STPG2: variants seen among roughly 807,000 people sequenced by gnomAD.
STPG2 encodes the protein sperm-tail PG-rich repeat-containing protein 2.
Under a neutral mutation model 54.2 loss-of-function variants are expected in STPG2, and 56 were observed. The observed-to-expected ratio is 1.03, with a 90% CI of 0.83 to 1.29. The LOEUF (loss-of-function observed/expected upper bound fraction) is 1.29. STPG2 is among the 50% of genes most tolerant of loss of function. The pLI is 0.00. For missense variants in STPG2, 596 were observed against 544.9 expected (o/e 1.09, Z -0.93); for synonymous variants, 200 against 181.8 (o/e 1.10, Z -0.81).
intron 5 of STPG2, among the ~76,000 whole-genome samples, chr4:98,078,904 T>C (rs112873617): frequency 0.012 from 1,789 of 152,260 alleles, 29 homozygotes; most frequent in African/African-American, 0.041. Flanking sequence ...GTAAGTCTAT[T>C]AGATAATGGA....
At chr4:97,872,291 A>T (rs188230171) in intron 8 of STPG2, among the ~76,000 whole-genome samples, 1 of 151,402 alleles carries the variant, frequency 6.6e-6, no homozygotes, top group East Asian at 1.9e-4. Flanking sequence ...TAGCCTGTGC[A>T]GGAAAACAAA....
At chr4:97,928,305 T>C (rs922038135) in intron 8 of STPG2, among the ~76,000 whole-genome samples, 2 of 152,172 alleles carry the variant, frequency 1.3e-5, no homozygotes, top group Non-Finnish European at 2.9e-5. Flanking sequence ...ATTTAGCCTG[T>C]GTATTGTGTA....
chr4:97,811,938 C>G (rs923236052), intron 9 of STPG2, among the ~76,000 whole-genome samples: 4 of 151,960 alleles, frequency 2.6e-5, no homozygotes, highest in African/African-American at 9.7e-5. Context: ...TCAGATGTTT[C>G]ATTTGTAGTA....
At chr4:97,678,259 C>T (rs1578473525) in intron 10 of STPG2, among the ~76,000 whole-genome samples, 1 of 152,130 alleles carries the variant, frequency 6.6e-6, no homozygotes, top group East Asian at 1.9e-4. Context: ...AATGAGCACA[C>T]ATAGCTAATT....
chr4:98,129,921 G>T (rs1438420975), intron 2 of STPG2, among the ~76,000 whole-genome samples: 1 of 152,064 alleles, frequency 6.6e-6, no homozygotes, highest in African/African-American at 2.4e-5. Flanking sequence ...GCAGTGGCAT[G>T]ATCTCCGCTC....
chr4:97,737,775 G>A (rs1725063929), intron 9 of STPG2, among the ~76,000 whole-genome samples: 1 of 152,148 alleles, frequency 6.6e-6, no homozygotes. Flanking sequence ...GAACCAAGCT[G>A]GAAAACACTC....
chr4:97,607,208 C>T (rs759149796), intron 10 of STPG2, among the ~76,000 whole-genome samples: 6 of 152,004 alleles, frequency 3.9e-5, no homozygotes, highest in Non-Finnish European at 8.8e-5. Context: ...GCTGCTGCTG[C>T]TGCTGCTACA....
chr4:98,094,621 G>A (rs906120255), intron 5 of STPG2, among the ~76,000 whole-genome samples: 1 of 151,656 alleles, frequency 6.6e-6, no homozygotes, highest in Admixed American at 6.6e-5. Context: ...GACCTGAAGG[G>A]TGTGTCCCAG....
chr4:97,982,999 C>T (rs1734726296), intron 5 of STPG2, among the ~76,000 whole-genome samples: 1 of 152,138 alleles, frequency 6.6e-6, no homozygotes, highest in South Asian at 2.1e-4. Flanking sequence ...CCTTCTCCTT[C>T]AATTATTTAT....
intron 10 of STPG2, among the ~76,000 whole-genome samples, chr4:97,605,900 A>G (rs962951325): frequency 6.6e-6 from 1 of 151,860 alleles, no homozygotes; most frequent in African/African-American, 2.4e-5. Context: ...TCCACAAAAA[A>G]AATTATTTAA....
At position 98,080,415 on chromosome 4, in the gene STPG2, A is replaced by G. The variant is rs551736566; in HGVS notation, c.612+25538T>C. 6.6e-5 allele frequency among the ~76,000 whole-genome samples: 10 copies of G among 152,274 alleles called. No homozygotes were observed. The East Asian group carries it at 1.7e-3, about 26-fold the overall frequency. On this transcript the variant is annotated intron_variant, in intron 5 of 10. Transcript: ENST00000295268. ...GGCCAGTTTCACTTTCTATGTAAAG[A>G]CTTAAGATAACCTATTGTTGCTTCA...
intron 5 of STPG2, among the ~76,000 whole-genome samples, chr4:98,003,132 A>G (rs970197772): frequency 4.6e-5 from 7 of 152,092 alleles, no homozygotes; most frequent in African/African-American, 1.7e-4. Flanking sequence ...TGGCTGTCTG[A>G]TAAGTCTGGA....
intron 4 of STPG2, among the ~76,000 whole-genome samples, chr4:97,456,912 T>TAAAAAAAAAAAAAAAAAA (rs1166086887): frequency 1.0e-4 from 10 of 97,200 alleles, no homozygotes; most frequent in African/African-American, 5.7e-4. Flanking sequence ...AAAAGAAAAT[T>TAAAAAAAAAAAAAAAAAA]AAAAAAAAAA....
At chr4:97,713,379 T>C (rs956482966) in intron 9 of STPG2, among the ~76,000 whole-genome samples, 2 of 152,170 alleles carry the variant, frequency 1.3e-5, no homozygotes, top group African/African-American at 4.8e-5. Context: ...GCCCCCAAAT[T>C]CTTACAGAAG....
At chr4:97,805,451 TC>T (rs964877212) in intron 9 of STPG2, among the ~76,000 whole-genome samples, 7 of 152,268 alleles carry the variant, frequency 4.6e-5, no homozygotes, top group Admixed American at 2.0e-4. Context: ...CTCCAAGTGA[TC>T]TGCCCACCTC....
intron 7 of STPG2, among the ~76,000 whole-genome samples, chr4:97,963,359 T>C (rs140045139): frequency 2.8e-4 from 42 of 152,204 alleles, no homozygotes; most frequent in African/African-American, 9.6e-4. Context: ...ATTATGTTTT[T>C]TACCACAAAA....
chr4:97,899,253 TACAACTA>T (rs1731077082), intron 8 of STPG2, among the ~76,000 whole-genome samples: 1 of 151,804 alleles, frequency 6.6e-6, no homozygotes, highest in South Asian at 2.1e-4. Context: ...TAACAAGGAA[TACAACTA>T]ACCAGAGAGG....
chr4:97,899,475 A>T lies in STPG2; in HGVS notation c.1044+44422T>A, dbSNP rs185775382. On this transcript the variant is annotated intron_variant, in intron 8 of 10. Transcript: ENST00000295268. ...TTCACTGAACTAGAAAAAAAATTTTAAAATTCACATGAAACCAAAAAAGAA... is the reference window on the plus strand; with the variant it reads ...TTCACTGAACTAGAAAAAAAATTTTTAAATTCACATGAAACCAAAAAAGAA... Among the ~76,000 whole-genome samples the T allele has an allele frequency of 6.6e-4, 100 of 152,080 alleles. No homozygotes were observed. In the East Asian group the frequency reaches 0.016, roughly 24 times the overall value.
chr4:97,486,288 A>C (rs1730356123), intron 4 of STPG2, among the ~76,000 whole-genome samples: 1 of 151,888 alleles, frequency 6.6e-6, no homozygotes, highest in Admixed American at 6.6e-5. Flanking sequence ...CAAAGGACTA[A>C]TATCCAGAGT....
Sources: gnomAD v4.1 joint callset for allele counts (sites outside exome capture counted in the v4.1 genomes callset) on GRCh38, gnomAD v4.1.1 for gene constraint, MANE v1.5 for transcripts, NCBI Gene and HGNC (gene_info 2026-07-23, HGNC 2026-07-21) for gene names.